EPHB2: variants seen among roughly 807,000 people sequenced by gnomAD.
EPHB2 encodes EPH receptor B2.
Under a neutral mutation model 96.4 loss-of-function variants are expected in EPHB2, and 18 were observed. The ratio of observed to expected loss-of-function variants is 0.19; its 90% confidence interval spans 0.13 to 0.28. The LOEUF (loss-of-function observed/expected upper bound fraction) is 0.28. EPHB2 is among the 10% of genes least tolerant of loss of function. The pLI is 1.00. For missense variants in EPHB2, 989 were observed against 1,355.4 expected (o/e 0.73, Z 4.25); for synonymous variants, 506 against 534.1 (o/e 0.95, Z 0.72).
chr1:22,836,823 G>A (rs909794633), intron 3 of EPHB2: 5 of 152,338 alleles, frequency 3.3e-5, no homozygotes, highest in African/African-American at 1.2e-4. Context: ...GTGGGCACCT[G>A]CTGTGCTCTG....
rs1466394350 is a variant in EPHB2 at position 22,906,832 on chromosome 1, G to A, written c.2011G>A (p.Ala671Thr). 1.9e-6 allele frequency: 3 copies of A among 1,614,110 alleles called. No homozygotes were observed. Among genetic ancestry groups the A allele is most frequent in the Non-Finnish European group, 2.5e-6 (3 of 1,180,048 alleles). The part of the protein sequence containing the change: ...EKQRRDFLSE[A>T]SIMGQFDHPN... ...GCAGCGCCGGGACTTCCTGAGCGAA[G>A]CCTCCATCATGGGCCAGTTCGACCA... The change falls in exon 11 of 16, where the codon GCC becomes ACC. Residue 671 changes from alanine (A) to threonine (T), a missense_variant. By Grantham distance (58) the Ala-to-Thr change is moderately conservative. Coordinates refer to ENST00000374630, the MANE Select transcript of EPHB2 (RefSeq NM_017449.5). This position sits in a 1 kb window ranked among gnomAD's most constrained non-coding sequence, Gnocchi z 4.8.
chr1:22,784,861 G>T lies in EPHB2; in HGVS notation c.596G>T (p.Arg199Leu). ...AVRVFYRKCP[R>L]IIQNGAIFQE... is the part of the protein sequence containing the mutation. ...CGTGTCTTCTACCGCAAGTGCCCCC[G>T]CATCATCCAGAATGGCGCCATCTTC... The change falls in exon 3 of 16, where the codon CGC becomes CTC. Residue 199 changes from arginine to leucine, a missense_variant. Arg to Leu is a moderately radical substitution (Grantham distance 102). Transcript: ENST00000374630. This position sits in a 1 kb window ranked among gnomAD's most constrained non-coding sequence, Gnocchi z 5.1. The T allele has an allele frequency of 6.2e-7, 1 of 1,612,122 alleles. No homozygotes were observed.
At chr1:22,896,209 G>A (rs1639556120) in intron 8 of EPHB2, among the ~76,000 whole-genome samples, 2 of 152,188 alleles carry the variant, frequency 1.3e-5, no homozygotes, top group African/African-American at 4.8e-5. Flanking sequence ...CTTGGCTGGA[G>A]GGGGAGGAAC....
chr1:22,818,746 G>C (rs6667416), intron 3 of EPHB2, among the ~76,000 whole-genome samples: 1 of 151,792 alleles, frequency 6.6e-6, no homozygotes, highest in African/African-American at 2.4e-5. Flanking sequence ...CTTAGCATCC[G>C]TTTATCCGTC....
At chr1:22,903,200 G>T (rs554637602) in intron 9 of EPHB2, among the ~76,000 whole-genome samples, 1 of 152,320 alleles carries the variant, frequency 6.6e-6, no homozygotes, top group South Asian at 2.1e-4. Flanking sequence ...CAGTGGAGGT[G>T]ACCAAGGAGG....
rs766333596 is a variant in EPHB2 at position 22,906,073 on chromosome 1, A to T, written c.1852A>T (p.Ile618Phe). The T allele has an allele frequency of 6.2e-7, 1 of 1,614,086 alleles. No homozygotes were observed. The highest frequency in any genetic ancestry group is 1.3e-5 in the African/African-American group (1 of 74,916). ...AVREFAKEID[I>F]SCVKIEQVIG... is the part of the protein sequence containing the mutation. ...GCGGGAGTTTGCCAAGGAAATTGAC[A>T]TCTCCTGTGTCAAAATTGAGCAGGT... is the stretch of plus-strand genomic sequence containing the variant. Residue 618 changes from isoleucine (I) to phenylalanine (F), a missense_variant, in exon 10 of 16, where the codon ATC becomes TTC. Physicochemically the swap from Ile to Phe is conservative, Grantham distance 21. Transcript: ENST00000374630. This position sits in a 1 kb window ranked among gnomAD's most constrained non-coding sequence, Gnocchi z 4.8.
chr1:22,805,376 G>A (rs1437732450), intron 3 of EPHB2, among the ~76,000 whole-genome samples: 1 of 152,218 alleles, frequency 6.6e-6, no homozygotes, highest in South Asian at 2.1e-4. Context: ...CCAGCCCAGA[G>A]TGGGCTGAGA....
At chr1:22,770,424 T>A (rs1409755104) in intron 1 of EPHB2, among the ~76,000 whole-genome samples, 3 of 152,122 alleles carry the variant, frequency 2.0e-5, no homozygotes, top group Non-Finnish European at 4.4e-5. Context: ...CAGTGCCAAT[T>A]AGGCAAATAC....
chr1:22,906,783 G>A lies in EPHB2; in HGVS notation c.1962G>A (p.Thr654=), dbSNP rs749583000. ...GAGAGATCTTTGTGGCCATCAAGAC[G>A]CTCAAGTCGGGCTACACGGAGAAGC... is the stretch of plus-strand genomic sequence containing the variant. The part of the protein sequence containing the change: ...GKREIFVAIK[T]LKSGYTEKQR... The change falls in exon 11 of 16, where the codon ACG becomes ACA. Residue 654 remains threonine, a synonymous_variant. Coordinates refer to ENST00000374630, the MANE Select transcript of EPHB2 (RefSeq NM_017449.5). This position sits in a 1 kb window ranked among gnomAD's most constrained non-coding sequence, Gnocchi z 4.8. The A allele has an allele frequency of 9.9e-6, 16 of 1,614,058 alleles. No individual in the cohort carries two copies. Among genetic ancestry groups the A allele is most frequent in the East Asian group, 4.5e-5 (2 of 44,892 alleles).
At chr1:22,851,414 G>T (rs1162435629) in intron 3 of EPHB2, among the ~76,000 whole-genome samples, 1 of 152,228 alleles carries the variant, frequency 6.6e-6, no homozygotes, top group Admixed American at 6.5e-5. Flanking sequence ...CTGGAGGAGG[G>T]CAAGGACATG....
Position 22,788,142 on chromosome 1 carries a change from C to T in EPHB2, c.811+3066C>T, listed in dbSNP as rs566837854. On this transcript the variant is annotated intron_variant, in intron 3 of 15. Transcript: ENST00000374630. ...GCCCATACCCCAGGGGAGGGAATTA[C>T]ACAGGGTGTGAATGCCAGGAGGTGG... 3.3e-5 allele frequency among the ~76,000 whole-genome samples: 5 copies of T among 152,342 alleles called. No homozygotes were observed. In the South Asian group the frequency reaches 6.2e-4, roughly 19 times the overall value.
In EPHB2 at chr1:22,910,417, A is replaced by T; in HGVS notation, c.2538A>T (p.Pro846=). The T allele has an allele frequency of 6.2e-7, 1 of 1,614,188 alleles. No individual in the cohort carries two copies. Among genetic ancestry groups the T allele is most frequent in the Non-Finnish European group, 8.5e-7 (1 of 1,180,016 alleles). Reference sequence around the variant, plus strand: ...CCATTGAGCAGGACTATCGGCTGCCACCGCCCATGGACTGCCCGAGCGCCC... The same window carrying T: ...CCATTGAGCAGGACTATCGGCTGCCTCCGCCCATGGACTGCCCGAGCGCCC... The part of the protein sequence containing the change: ...INAIEQDYRL[P]PPMDCPSALH... The change falls in exon 14 of 16, where the codon CCA becomes CCT. Residue 846 remains proline, a synonymous_variant. Coordinates refer to ENST00000374630, the MANE Select transcript of EPHB2 (RefSeq NM_017449.5).
In EPHB2 at chr1:22,846,421, C is replaced by CAAAA; in HGVS notation, c.812-16604_812-16601dup. Among the ~76,000 whole-genome samples the CAAAA allele has an allele frequency of 9.2e-6, 1 of 108,736 alleles. No individual in the cohort carries two copies. Among genetic ancestry groups the CAAAA allele is most frequent in the African/African-American group, 3.1e-5 (1 of 31,912 alleles). 71.3% of individuals were successfully genotyped at this position (108,736 alleles called of 152,430 possible). ...ACAGAGTGAGAGTGAGACTCTGTCTCAAAAAAAAAAAAAAAGAAAAGAAAG... is the reference window on the plus strand; with the variant it reads ...ACAGAGTGAGAGTGAGACTCTGTCTCAAAAAAAAAAAAAAAAAAAGAAAAGAAAG... On this transcript the variant is annotated intron_variant, in intron 3 of 15. Transcript: ENST00000374630. This position sits in a 1 kb window ranked among gnomAD's most constrained non-coding sequence, Gnocchi z 4.3.
intron 1 of EPHB2, among the ~76,000 whole-genome samples, chr1:22,747,410 A>G (rs1643991519): frequency 6.6e-6 from 1 of 152,210 alleles, no homozygotes; most frequent in Admixed American, 6.5e-5. Context: ...CCGACTCAAA[A>G]TCAAGGTCTG....
chr1:22,772,722 A>T (rs977965562), intron 1 of EPHB2, among the ~76,000 whole-genome samples: 5 of 152,186 alleles, frequency 3.3e-5, no homozygotes, highest in African/African-American at 1.2e-4. Context: ...TTCTGGCTAT[A>T]GGACTTGGGG....
chr1:22,897,798 AT>A (rs1309100679), intron 9 of EPHB2, among the ~76,000 whole-genome samples: 3 of 150,548 alleles, frequency 2.0e-5, no homozygotes, highest in African/African-American at 4.9e-5. Context: ...AAATAAAAAA[AT>A]AAATAAATAA....
intron 3 of EPHB2, among the ~76,000 whole-genome samples, chr1:22,837,581 C>T (rs1310082166): frequency 2.6e-5 from 4 of 152,114 alleles, no homozygotes; most frequent in Admixed American, 2.0e-4. Flanking sequence ...TTAAACTAGG[C>T]GTGTATGAAG....
At chr1:22,861,623 C>A (rs543526379) in intron 3 of EPHB2, among the ~76,000 whole-genome samples, 1 of 152,206 alleles carries the variant, frequency 6.6e-6, no homozygotes, top group Non-Finnish European at 1.5e-5. Context: ...GGCCAGGAGA[C>A]CCCCAGAAAA....
chr1:22,813,710 G>T (rs896606218), intron 3 of EPHB2, among the ~76,000 whole-genome samples: 1 of 152,234 alleles, frequency 6.6e-6, no homozygotes, highest in Non-Finnish European at 1.5e-5. Flanking sequence ...CTCTCTGAAC[G>T]CTGGTTTCTT....
Sources: gnomAD v4.1 joint callset for allele counts (sites outside exome capture counted in the v4.1 genomes callset) on GRCh38, gnomAD v4.1.1 for gene constraint, Gnocchi (gnomAD v3.1) non-coding constraint, MANE v1.5 for transcripts, NCBI Gene and HGNC (gene_info 2026-07-23, HGNC 2026-07-21) for gene names.